The following P4HA2 variants were observed in gnomAD, a reference collection of about 807,000 sequenced individuals.
P4HA2 encodes the protein prolyl 4-hydroxylase subunit alpha 2.
In P4HA2, 46 loss-of-function variants were observed where a neutral mutation model predicts 76.9. The observed-to-expected ratio is 0.60, with a 90% CI of 0.47 to 0.76. The LOEUF is 0.76. Ranked by LOEUF, P4HA2 falls within the 30% of genes least tolerant of loss-of-function variation. P4HA2 has a pLI of 0.00. For synonymous variants in P4HA2, 243 were observed against 254.0 expected (o/e 0.96, Z 0.41); for missense variants, 583 against 669.4 (o/e 0.87, Z 1.42).
At chr5:132,209,403 T>C (rs998791157) in intron 6 of P4HA2, 72 bp from the exon 7 acceptor site, 3 of 1,251,404 alleles carry the variant, frequency 2.4e-6, no homozygotes, top group Non-Finnish European at 2.3e-6. Context: ...GAAATTATTC[T>C]GTAAGGGTTT....
At position 132,198,262 on chromosome 5, in the gene P4HA2, G is replaced by C. The variant is rs778227188; in HGVS notation, c.1365+59C>G. 2.5e-6 allele frequency: 4 copies of C among 1,614,150 alleles called. No individual in the cohort carries two copies. In the Admixed American group the frequency reaches 6.7e-5, roughly 27 times the overall value. ...GTCCCTAAATGCTTGAAAGTATCTC[G>C]CTCATCATTCTACAAAATTAAGTGA... is the stretch of plus-strand genomic sequence containing the variant. On this transcript the variant is annotated intron_variant, in intron 12 of 14. Coordinates refer to ENST00000360568, the MANE Select transcript of P4HA2 (RefSeq NM_001017974.2).
Position 132,203,851 on chromosome 5 carries a change from G to A in P4HA2, c.1152-4C>T. ...ATCATCTTCCTCTAGCCAGGAGCTG[G>A]GCAAAAAGAAAAGGGCAGAGAAAAG... On this transcript the variant is annotated splice_polypyrimidine_tract_variant and splice_region_variant and intron_variant, in intron 9 of 14. Coordinates refer to ENST00000360568, the MANE Select transcript of P4HA2 (RefSeq NM_001017974.2). 1 of 1,609,684 alleles carries A rather than the reference G, an allele frequency of 6.2e-7. No homozygotes were observed. Among genetic ancestry groups the A allele is most frequent in the East Asian group, 2.2e-5 (1 of 44,858 alleles).
rs767652513 is a variant in P4HA2, at chr5:132,194,951, G to A, written c.1506C>T (p.Cys502=). The A allele has an allele frequency of 6.2e-7, 1 of 1,612,960 alleles. No individual in the cohort carries two copies. The highest frequency in any genetic ancestry group is 8.5e-7 in the Non-Finnish European group (1 of 1,178,936). ...CCCACTTGCAGCCCACAAGCACAGG[G>A]CAGGCAGCATGTCTTGTTCGGTAGT... ...EGDYRTRHAA[C]PVLVGCKWVS... Residue 502 remains cysteine, a synonymous_variant, in exon 14 of 15, where the codon TGC becomes TGT. Coordinates refer to ENST00000360568, the MANE Select transcript of P4HA2 (RefSeq NM_001017974.2).
intron 10 of P4HA2, chr5:132,202,531 C>G (rs2126557493): frequency 6.6e-6 from 1 of 152,188 alleles, no homozygotes; most frequent in African/African-American, 2.4e-5. Context: ...ACAGAGAGAC[C>G]CAGAGGCCTC....
At chr5:132,217,134 ACAACCC>A in intron 4 of P4HA2, 57 bp downstream of exon 4, 2 of 1,524,428 alleles carry the variant, frequency 1.3e-6, no homozygotes, top group Non-Finnish European at 1.8e-6. Flanking sequence ...CTCAGACACA[ACAACCC>A]AGGCATGAGC....
rs76741539 is a variant in P4HA2 at position 132,191,511 on chromosome 5, CAAAAAAAA to C, written c.*1491_*1498del. Among the ~76,000 whole-genome samples, 1 of 49,124 alleles carries C rather than the reference CAAAAAAAA, an allele frequency of 2.0e-5. No individual in the cohort carries two copies. The highest frequency in any genetic ancestry group is 4.6e-5 in the Non-Finnish European group (1 of 21,654). 32.2% of individuals were successfully genotyped at this position (49,124 alleles called of 152,430 possible). A position where few individuals can be genotyped will look rare whatever the true frequency, so the allele number is the denominator to read the frequency against. Reference sequence around the variant, plus strand: ...TGGGCGACAGAGCGAGACTCCGTCTCAAAAAAAAAAAAAAAAAAAAAGATTTCAACATA... The same window carrying C: ...TGGGCGACAGAGCGAGACTCCGTCTCAAAAAAAAAAAAAGATTTCAACATA... On this transcript the variant is annotated 3_prime_UTR_variant, in exon 15 of 15. Coordinates refer to ENST00000360568, the MANE Select transcript of P4HA2 (RefSeq NM_001017974.2).
chr5:132,210,172 G>C lies in P4HA2; in HGVS notation c.709+112C>G, dbSNP rs997642907. 2.7e-5 allele frequency: 33 copies of C among 1,244,702 alleles called. No individual in the cohort carries two copies. The African/African-American group carries it at 4.1e-4, about 16-fold the overall frequency. The allele number at this position is 1,244,702 out of a possible 1,614,324, so 77.1% of individuals were successfully genotyped here. On this transcript the variant is annotated intron_variant, in intron 6 of 14. Transcript: ENST00000360568. ...CAGTAAGGCATTAGTCACTGGCCAA[G>C]TGACAGGGTAAACTGACTCAGTCCC...
chr5:132,220,299 G>C (rs1431027535), intron 1 of P4HA2, among the ~76,000 whole-genome samples: 1 of 152,222 alleles, frequency 6.6e-6, no homozygotes, highest in Non-Finnish European at 1.5e-5. Context: ...TTGGGTGTCT[G>C]TTTCTTGTTC....
At chr5:132,226,785 C>G (rs1391653901) in intron 1 of P4HA2, 1 of 152,438 alleles carries the variant, frequency 6.6e-6, no homozygotes, top group African/African-American at 2.4e-5. Context: ...ACATGCAGGG[C>G]ACAGTACCAG....
intron 1 of P4HA2, among the ~76,000 whole-genome samples, chr5:132,224,366 A>G (rs1413295520): frequency 6.6e-6 from 1 of 152,252 alleles, no homozygotes; most frequent in Non-Finnish European, 1.5e-5. Flanking sequence ...GGAGGACTGA[A>G]TGTGATGACA....
In P4HA2 at chr5:132,203,791, T is replaced by C. The variant is rs763527593; in HGVS notation, c.1208A>G (p.Gln403Arg). 6.2e-7 allele frequency: 1 copy of C among 1,613,698 alleles called. No individual in the cohort carries two copies. The highest frequency in any genetic ancestry group is 1.7e-5 in the Admixed American group (1 of 60,028). ...CTTTACTGTTAACCCTGTGATATGCTGCATCCGACGATTTACTCGGGCCAC... is the reference window on the plus strand; with the variant it reads ...CTTTACTGTTAACCCTGTGATATGCCGCATCCGACGATTTACTCGGGCCAC... ...PVVARVNRRM[Q>R]HITGLTVKTA... The change falls in exon 10 of 15, where the codon CAG (glutamine) becomes CGG (arginine). Residue 403 changes from glutamine to arginine, a missense_variant. Transcript: ENST00000360568.
At chr5:132,213,892 G>A in intron 5 of P4HA2, 24 bp downstream of exon 5, 1 of 1,612,664 alleles carries the variant, frequency 6.2e-7, no homozygotes. Context: ...TGCGGGACAG[G>A]CAACGCCTGG....
rs146303839 is a variant in P4HA2 at position 132,209,259 on chromosome 5, G to A, written c.782C>T (p.Thr261Met). ...CTCAGCTTCTGTCTGATTTGTTAAC[G>A]TTTTTTCTCTCTCTTCCTCCAATAA... Reference protein sequence around the residue: ...EQLLEEEREKTLTNQTEAELA... With the variant: ...EQLLEEEREKMLTNQTEAELA... Residue 261 changes from threonine to methionine, a missense_variant, in exon 7 of 15, where the codon ACG (threonine) becomes ATG (methionine). Physicochemically the swap from Thr to Met is moderately conservative, Grantham distance 81. Transcript: ENST00000360568. The A allele has an allele frequency of 4.3e-6, 7 of 1,613,990 alleles. No individual in the cohort carries two copies. Among genetic ancestry groups the A allele is most frequent in the Admixed American group, 3.3e-5 (2 of 60,008 alleles).
chr5:132,198,991 A>G (rs1240042431), intron 10 of P4HA2, 59 bp from the exon 11 acceptor site: 2 of 1,149,614 alleles, frequency 1.7e-6, no homozygotes, highest in Admixed American at 1.7e-5. Flanking sequence ...GTAGCAGCCA[A>G]TCACTCTAGG....
intron 1 of P4HA2, among the ~76,000 whole-genome samples, chr5:132,222,674 A>G (rs1754803285): frequency 6.6e-6 from 1 of 152,228 alleles, no homozygotes. Flanking sequence ...CGTATCTTCA[A>G]CAACTACTTT....
At chr5:132,211,805 A>G (rs890175026) in intron 5 of P4HA2, among the ~76,000 whole-genome samples, 4 of 152,240 alleles carry the variant, frequency 2.6e-5, no homozygotes, top group African/African-American at 9.6e-5. Flanking sequence ...ACAAGTTACC[A>G]TATCTAAGTC....
At chr5:132,211,558 A>G (rs747279462) in intron 5 of P4HA2, among the ~76,000 whole-genome samples, 5 of 152,178 alleles carry the variant, frequency 3.3e-5, no homozygotes, top group Admixed American at 6.5e-5. Context: ...AGGAACCAAT[A>G]ACGAGGAATA....
At chr5:132,194,787 T>C (rs939768043) in intron 14 of P4HA2, 139 bp downstream of exon 14, 19 of 699,524 alleles carry the variant, frequency 2.7e-5, no homozygotes, top group Non-Finnish European at 4.2e-5. Flanking sequence ...TGGATGGTAA[T>C]AACAGCAGAA....
chr5:132,207,631 AC>A, intron 8 of P4HA2, 76 bp downstream of exon 8: 1 of 1,317,750 alleles, frequency 7.6e-7, no homozygotes, highest in Non-Finnish European at 1.1e-6. Flanking sequence ...GGGCAAACCA[AC>A]CACCCATAGT....
Sources: allele counts gnomAD v4.1 joint callset (sites outside exome capture counted in the v4.1 genomes callset), GRCh38; gene constraint gnomAD v4.1.1; transcripts MANE v1.5; gene names NCBI Gene and HGNC (gene_info 2026-07-23, HGNC 2026-07-21).